ADA2: variants seen among roughly 807,000 people sequenced by gnomAD.
ADA2 encodes the protein adenosine deaminase 2, also known as adenosine deaminase CECR1.
ADA2 carries 29 observed loss-of-function variants against 44.2 expected under a neutral mutation model. The observed-to-expected ratio is 0.66, with a 90% confidence interval of 0.49 to 0.89. ADA2 has a LOEUF of 0.89. Among genes scored for constraint, ADA2 ranks in the 40% least tolerant of loss-of-function variants. The pLI is 0.00. For synonymous variants in ADA2, 215 were observed against 234.9 expected (o/e 0.92, Z 0.77); for missense variants, 637 against 644.8 (o/e 0.99, Z 0.13).
chr22:17,183,757 G>A (rs1568967946), intron 7 of ADA2, among the ~76,000 whole-genome samples: 2 of 151,418 alleles, frequency 1.3e-5, no homozygotes, highest in Non-Finnish European at 2.9e-5. Context: ...CCACCGCACC[G>A]GGCTCTGGGA....
At chr22:17,196,024 G>A (rs576367184) in intron 4 of ADA2, among the ~76,000 whole-genome samples, 4 of 152,022 alleles carry the variant, frequency 2.6e-5, no homozygotes, top group Non-Finnish European at 5.9e-5. Flanking sequence ...TGGGATTACA[G>A]GCATGAGCCA....
chr22:17,204,318 T>C (rs542565332), intron 3 of ADA2, among the ~76,000 whole-genome samples: 1 of 152,202 alleles, frequency 6.6e-6, no homozygotes, highest in Admixed American at 6.5e-5. Context: ...AAGATGGGTG[T>C]CCTTGTAAGA....
chr22:17,200,313 C>A (rs968270092), intron 4 of ADA2, among the ~76,000 whole-genome samples: 9 of 152,158 alleles, frequency 5.9e-5, no homozygotes, highest in Admixed American at 1.3e-4. Flanking sequence ...TTCAGAAATT[C>A]TTTTCTCAAT....
chr22:17,209,242 A>G (rs2062390358), intron 2 of ADA2, 114 bp downstream of exon 2: 1 of 886,320 alleles, frequency 1.1e-6, no homozygotes, highest in Non-Finnish European at 1.8e-6. Context: ...AGAACAGCTG[A>G]GTGAGGCTTT....
chr22:17,221,574 G>A (rs1030435619), upstream of ADA2, among the ~76,000 whole-genome samples: 1 of 152,100 alleles, frequency 6.6e-6, no homozygotes, highest in Non-Finnish European at 1.5e-5. Flanking sequence ...TCACATCTCC[G>A]AAGGTGGCTC....
intron 4 of ADA2, among the ~76,000 whole-genome samples, chr22:17,200,081 G>A (rs5992639): frequency 0.54 from 82,322 of 151,964 alleles, 23,303 homozygotes; most frequent in African/African-American, 0.67. Flanking sequence ...TGTAATCCCA[G>A]CTACTCGGGA....
At chr22:17,189,543 C>A (rs2062088269) in intron 6 of ADA2, among the ~76,000 whole-genome samples, 2 of 152,196 alleles carry the variant, frequency 1.3e-5, no homozygotes, top group Non-Finnish European at 2.9e-5. Context: ...AGTCCCCACC[C>A]CGCGTGCTAC....
chr22:17,214,189 G>T, intron 1 of ADA2: 1 of 607,302 alleles, frequency 1.6e-6, no homozygotes, highest in Non-Finnish European at 3.0e-6. Context: ...GCAGCATCGA[G>T]GGTTGGCAAA....
intron 2 of ADA2, among the ~76,000 whole-genome samples, chr22:17,208,818 T>TTTTTTTTTTTTTTTTTTTTTTTG (rs1568988096): frequency 1.3e-5 from 2 of 150,450 alleles, no homozygotes; most frequent in East Asian, 2.0e-4. Flanking sequence ...AAATTTTTTT[T>TTTTTTTTTTTTTTTTTTTTTTTG]AATAAAAAAA....
At chr22:17,191,857 C>T (rs374320840) in intron 4 of ADA2, 47 bp from the exon 5 acceptor site, 143 of 1,572,728 alleles carry the variant, frequency 9.1e-5, no homozygotes, top group Non-Finnish European at 1.1e-4. Flanking sequence ...CAGTGAGAGA[C>T]GCCACCCCCT....
At chr22:17,216,789 C>CACT (rs71200248) in intron 1 of ADA2, among the ~76,000 whole-genome samples, 1 of 73,592 alleles carries the variant, frequency 1.4e-5, no homozygotes. Context: ...CACACACACA[C>CACT]ATATATATAG....
At chr22:17,189,799 G>C (rs1307117762) in intron 6 of ADA2, 143 bp downstream of exon 6, 1 of 636,636 alleles carries the variant, frequency 1.6e-6, no homozygotes, top group Admixed American at 2.4e-5. Context: ...GCCCTGCTGT[G>C]TCAGCAGCCT....
At chr22:17,197,438 T>G (rs2062206940) in intron 4 of ADA2, among the ~76,000 whole-genome samples, 1 of 151,996 alleles carries the variant, frequency 6.6e-6, no homozygotes. Context: ...ATTATTTTGT[T>G]TTGTCCTGTT....
intron 7 of ADA2, among the ~76,000 whole-genome samples, chr22:17,183,512 A>G (rs1379239845): frequency 6.4e-5 from 9 of 139,610 alleles, no homozygotes; most frequent in African/African-American, 1.9e-4. Context: ...CCAGGCTGGA[A>G]TGCAGTGGCG....
chr22:17,191,843 TG>T, intron 4 of ADA2, 33 bp from the exon 5 acceptor site: 9 of 1,593,628 alleles, frequency 5.6e-6, no homozygotes, highest in Non-Finnish European at 7.7e-6. Flanking sequence ...AGCCGTCAGG[TG>T]AGCAGTGAGA....
At chr22:17,184,113 C>T (rs1337235099) in intron 7 of ADA2, among the ~76,000 whole-genome samples, 1 of 151,250 alleles carries the variant, frequency 6.6e-6, no homozygotes, top group Non-Finnish European at 1.5e-5. Context: ...GCGCCCGCCA[C>T]CACACCCAGC....
At chr22:17,186,056 T>C (rs1319644905) in intron 7 of ADA2, among the ~76,000 whole-genome samples, 1 of 152,202 alleles carries the variant, frequency 6.6e-6, no homozygotes, top group South Asian at 2.1e-4. Flanking sequence ...AAGATGTGGC[T>C]GGGCTGATGG....
At chr22:17,196,124 A>C (rs982989863) in intron 4 of ADA2, among the ~76,000 whole-genome samples, 15 of 151,910 alleles carry the variant, frequency 9.9e-5, no homozygotes, top group African/African-American at 3.6e-4. Flanking sequence ...AGGCGAGTGG[A>C]TCACCTGATG....
At chr22:17,201,350 C>T (rs190720780) in intron 4 of ADA2, among the ~76,000 whole-genome samples, 40 of 152,276 alleles carry the variant, frequency 2.6e-4, no homozygotes, top group Admixed American at 1.1e-3. Context: ...ATTGATCCTG[C>T]GGAGTCCTAT....
Sources: allele counts gnomAD v4.1 joint callset (sites outside exome capture counted in the v4.1 genomes callset), GRCh38; gene constraint gnomAD v4.1.1; transcripts MANE v1.5; gene names NCBI Gene and HGNC (gene_info 2026-07-23, HGNC 2026-07-21).